Variants in ACAP3 observed in about 807,000 individuals in gnomAD.
The protein encoded by ACAP3 is arf-GAP with coiled-coil, ANK repeat and PH domain-containing protein 3.
ACAP3 carries 56 observed loss-of-function variants against 104.1 expected under a neutral mutation model. The observed-to-expected ratio is 0.54, with a 90% CI of 0.43 to 0.67. ACAP3 has a LOEUF of 0.67. Among genes scored for constraint, ACAP3 ranks in the 30% least tolerant of loss-of-function variants. The pLI is 0.00. For synonymous variants in ACAP3, 628 were observed against 496.2 expected, an observed-to-expected ratio of 1.27 and a Z score of -3.53; for missense variants, 1,208 against 1,174.9, an observed-to-expected ratio of 1.03 and a Z score of -0.41.
In ACAP3 at chr1:1,297,839, C is replaced by A; in HGVS notation, c.1111G>T (p.Asp371Tyr). ...GGCCACACCTCGCTATAGCAACTGT[C>A]AGGGCTCTCGCGGTAGGCGGAGGCG... ...SIASAYRESP[D>Y]SCYSERLDRT... Residue 371 changes from aspartate to tyrosine, a missense_variant, in exon 14 of 24, where the codon GAC becomes TAC. Coordinates refer to ENST00000354700, the MANE Select transcript of ACAP3 (RefSeq NM_030649.3). The A allele has an allele frequency of 6.2e-7, 1 of 1,611,656 alleles. No homozygotes were observed. Among genetic ancestry groups the A allele is most frequent in the South Asian group, 1.1e-5 (1 of 91,042 alleles).
At chr1:1,299,950 C>A in intron 8 of ACAP3, 23 bp downstream of exon 8, 1 of 1,602,586 alleles carries the variant, frequency 6.2e-7, no homozygotes, top group Non-Finnish European at 8.5e-7. Flanking sequence ...CCTGGCCCAG[C>A]CCCACCCCTC....
Position 1,302,930 on chromosome 1 carries a change from A to C in ACAP3, c.271T>G (p.Tyr91Asp), listed in dbSNP as rs1179943468. 6.2e-7 allele frequency: 1 copy of C among 1,611,426 alleles called. No individual in the cohort carries two copies. Among genetic ancestry groups the C allele is most frequent in the Admixed American group, 1.7e-5 (1 of 59,918 alleles). Residue 91 changes from tyrosine (Y) to aspartate (D), a missense_variant, in exon 4 of 24, where the codon TAC becomes GAC. Tyr to Asp is a radical substitution (Grantham distance 160, BLOSUM62 -3). Transcript: ENST00000354700. ...FADSLQEVVN[Y>D]HMILFDQAQR... ...AGGGAGGCCGCGCTCACCATGTGGT[A>C]GTTCACCACCTCCTGTAGGCTGTCA...
Position 1,294,466 on chromosome 1 carries a change from G to A in ACAP3, c.2075C>T (p.Ala692Val). 1.9e-6 allele frequency: 3 copies of A among 1,560,316 alleles called. No homozygotes were observed. Among genetic ancestry groups the A allele is most frequent in the East Asian group, 2.4e-5 (1 of 41,606 alleles). ...CTCCGCGTCCGCCCAGTTGACCTCGGCCCCGTGGGCCAGCGCCGCCGCCAG... is the reference window on the plus strand; with the variant it reads ...CTCCGCGTCCGCCCAGTTGACCTCGACCCCGTGGGCCAGCGCCGCCGCCAG... The part of the protein sequence containing the change: ...PALAAALAHG[A>V]EVNWADAEDE... Residue 692 changes from alanine to valine, a missense_variant, in exon 21 of 24, where the codon GCC (alanine) becomes GTC (valine). Ala to Val is a moderately conservative substitution (Grantham distance 64). Coordinates refer to ENST00000354700, the MANE Select transcript of ACAP3 (RefSeq NM_030649.3).
intron 5 of ACAP3, 85 bp downstream of exon 5, chr1:1,301,893 GCCCAAGGTGC>G: frequency 8.1e-7 from 1 of 1,240,974 alleles, no homozygotes; most frequent in Non-Finnish European, 1.1e-6. Flanking sequence ...GGAGGCCTGG[GCCCAAGGTGC>G]CTCTGCTCTG....
At chr1:1,307,517 G>A (rs1641790669) in intron 1 of ACAP3, 1 of 1,156,368 alleles carries the variant, frequency 8.6e-7, no homozygotes. Flanking sequence ...GGGGCGGACG[G>A]TCCCGAGGTG....
At chr1:1,295,697 G>T in intron 18 of ACAP3, 39 bp downstream of exon 18, 1 of 1,572,386 alleles carries the variant, frequency 6.4e-7, no homozygotes, top group Non-Finnish European at 8.6e-7. Flanking sequence ...CCCGACCAAG[G>T]CAAGCCCCTC....
chr1:1,295,148 C>T, intron 19 of ACAP3: 2 of 553,516 alleles, frequency 3.6e-6, no homozygotes, highest in Non-Finnish European at 6.4e-6. Flanking sequence ...ACCCAACCAA[C>T]GGGCAGCATG....
In ACAP3 at chr1:1,299,876, C is replaced by G. The variant is rs1641369037; in HGVS notation, c.693G>C (p.Val231=). The change falls in exon 9 of 24, where the codon GTG becomes GTC. Residue 231 remains valine, a synonymous_variant. Coordinates refer to ENST00000354700, the MANE Select transcript of ACAP3 (RefSeq NM_030649.3). ...ELDQLVIDSA[V]EKREMERKHA... ...GCTTTCGCTCCATCTCACGCTTTTC[C>G]ACCGCAGAGTCGATCACCAGCTGGT... 1 of 1,575,974 alleles carries G rather than the reference C, an allele frequency of 6.3e-7. No individual in the cohort carries two copies. Among genetic ancestry groups the G allele is most frequent in the African/African-American group, 1.4e-5 (1 of 73,932 alleles).
rs761629074 is a variant in ACAP3 at position 1,295,949 on chromosome 1, G to A, written c.1503-11C>T. 5 of 1,612,466 alleles carry A rather than the reference G, an allele frequency of 3.1e-6. No individual in the cohort carries two copies. Among genetic ancestry groups the A allele is most frequent in the African/African-American group, 2.7e-5 (2 of 74,914 alleles). On this transcript the variant is annotated splice_polypyrimidine_tract_variant and intron_variant, in intron 17 of 23. Coordinates refer to ENST00000354700, the MANE Select transcript of ACAP3 (RefSeq NM_030649.3). ...GCCTCCTTGTCCTGCCTGGACCAGGGGGGAACATGAGGCTGTGCCCCCAGG... is the reference window on the plus strand; with the variant it reads ...GCCTCCTTGTCCTGCCTGGACCAGGAGGGAACATGAGGCTGTGCCCCCAGG...
At chr1:1,294,333 G>T in intron 21 of ACAP3, 69 bp downstream of exon 21, 1 of 1,521,260 alleles carries the variant, frequency 6.6e-7, no homozygotes, top group South Asian at 1.2e-5. Context: ...ACCCTTGTGT[G>T]GGCGCCACAG....
chr1:1,303,120 C>T lies in ACAP3; in HGVS notation c.225+42G>A, dbSNP rs372762361. 1.8e-5 allele frequency: 29 copies of T among 1,569,006 alleles called. No homozygotes were observed. The African/African-American group carries it at 2.4e-4, about 13-fold the overall frequency. On this transcript the variant is annotated intron_variant, in intron 3 of 23. Coordinates refer to ENST00000354700, the MANE Select transcript of ACAP3 (RefSeq NM_030649.3). This position sits in a 1 kb window ranked among gnomAD's most constrained non-coding sequence, Gnocchi z 4.0. ...AAGGGGCTGCCTCCCTCGGCCTCTC[C>T]CCCAACCCCACCTTGAGGTCAGAGG...
At chr1:1,302,816 G>A (rs1641507022) in intron 4 of ACAP3, 106 bp downstream of exon 4, 5 of 517,314 alleles carry the variant, frequency 9.7e-6, no homozygotes, top group South Asian at 2.1e-5. Context: ...CCGACTAGAG[G>A]AGCAGAAACG....
In ACAP3 at chr1:1,301,974, TG is replaced by T. The variant is rs753276688; in HGVS notation, c.338+13del. 5 of 1,556,218 alleles carry T rather than the reference TG, an allele frequency of 3.2e-6. No homozygotes were observed. Among genetic ancestry groups the T allele is most frequent in the Admixed American group, 3.8e-5 (2 of 52,050 alleles). ...GGCCTCAGTGTTCTTCCCCCAGCCC[TG>T]GGGGCCACTCACTCTTTGACAAAGC... On this transcript the variant is annotated intron_variant, in intron 5 of 23. Coordinates refer to ENST00000354700, the MANE Select transcript of ACAP3 (RefSeq NM_030649.3).
rs1008727341 is a variant in ACAP3 at position 1,298,735 on chromosome 1, C to T, written c.751-56G>A. 2.9e-5 allele frequency: 40 copies of T among 1,377,316 alleles called. 1 individual carries two copies. The highest frequency in any genetic ancestry group is 2.9e-4 in the Admixed American group (16 of 55,844). 85.3% of individuals were successfully genotyped at this position (1,377,316 alleles called of 1,614,324 possible). ...CCACCCCAGGGGCCCTGCTACCCTC[C>T]GTGCTTTCCCGGAGCACAGGTGGGG... On this transcript the variant is annotated intron_variant, in intron 10 of 23. Coordinates refer to ENST00000354700, the MANE Select transcript of ACAP3 (RefSeq NM_030649.3).
rs1641528236 is a variant in ACAP3, at chr1:1,303,200, C to T, written c.187G>A (p.Asp63Asn). 1.2e-6 allele frequency: 2 copies of T among 1,606,656 alleles called. No individual in the cohort carries two copies. The highest frequency in any genetic ancestry group is 1.7e-6 in the Non-Finnish European group (2 of 1,177,476). ...TSRLFVSGVRDLSQQCQGDTV... is the reference protein window; with the variant it reads ...TSRLFVSGVRNLSQQCQGDTV... ...TCGCCCTGGCACTGCTGGGACAGGT[C>T]GCGGACGCCGCTCACGAAAAGCCTG... Residue 63 changes from aspartate to asparagine, a missense_variant, in exon 3 of 24, where the codon GAC becomes AAC. By Grantham distance (23) the Asp-to-Asn change is conservative. Transcript: ENST00000354700. This position sits in a 1 kb window ranked among gnomAD's most constrained non-coding sequence, Gnocchi z 4.0.
Position 1,298,683 on chromosome 1 carries a change from G to A in ACAP3, c.751-4C>T. The A allele has an allele frequency of 2.5e-6, 4 of 1,610,280 alleles. No homozygotes were observed. Among genetic ancestry groups the A allele is most frequent in the Non-Finnish European group, 3.4e-6 (4 of 1,177,932 alleles). On this transcript the variant is annotated splice_region_variant and splice_polypyrimidine_tract_variant and intron_variant, in intron 10 of 23. Transcript: ENST00000354700. ...TGGACTCATCGTAGGAGAAGTCCTG[G>A]GGGGATGGAACCCGCCCCCTCAGTG...
Position 1,293,499 on chromosome 1 carries a change from C to T in ACAP3, c.*65G>A. ...CGCAGGGCCGCGGCCGGGTGGGCGC[C>T]AGGGACTTCGGGGCATGCGGGGCGT... On this transcript the variant is annotated 3_prime_UTR_variant, in exon 24 of 24. Coordinates refer to ENST00000354700, the MANE Select transcript of ACAP3 (RefSeq NM_030649.3). 2 of 1,358,174 alleles carry T rather than the reference C, an allele frequency of 1.5e-6. No individual in the cohort carries two copies. The highest frequency in any genetic ancestry group is 1.6e-5 in the South Asian group (1 of 63,744). 84.1% of individuals were successfully genotyped at this position (1,358,174 alleles called of 1,614,324 possible).
chr1:1,293,787 G>A (rs1457690198), intron 23 of ACAP3, 36 bp downstream of exon 23: 3 of 1,522,150 alleles, frequency 2.0e-6, no homozygotes, highest in Non-Finnish European at 2.6e-6. Context: ...CTGCCCTGGA[G>A]GCCCCGCCCA....
intron 1 of ACAP3, among the ~76,000 whole-genome samples, chr1:1,306,156 G>A (rs1370095614): frequency 1.3e-5 from 2 of 152,132 alleles, no homozygotes; most frequent in South Asian, 2.1e-4. Context: ...GTCACTCTAC[G>A]GCACCTACTG....
Sources: gnomAD v4.1 joint callset for allele counts (sites outside exome capture counted in the v4.1 genomes callset) on GRCh38, gnomAD v4.1.1 for gene constraint, Gnocchi (gnomAD v3.1) non-coding constraint, MANE v1.5 for transcripts, NCBI Gene and HGNC (gene_info 2026-07-23, HGNC 2026-07-21) for gene names.